IPCEF1: variants seen among roughly 807,000 people sequenced by gnomAD.
IPCEF1 encodes the protein interaction protein for cytohesin exchange factors 1, also known as interactor protein for cytohesin exchange factors 1.
IPCEF1 carries 31 observed loss-of-function variants against 50.9 expected under a neutral mutation model. The observed-to-expected ratio is 0.61, with a 90% CI of 0.46 to 0.82. The LOEUF is 0.82. IPCEF1 is among the 40% of genes least tolerant of loss of function. The probability of loss-of-function intolerance (pLI) is 0.00; values close to 1 mark genes in which losing one functional copy is unlikely to be tolerated. For missense variants in IPCEF1, 458 were observed against 514.0 expected, an observed-to-expected ratio of 0.89 and a Z score of 1.05; for synonymous variants, 181 against 192.0, an observed-to-expected ratio of 0.94 and a Z score of 0.47.
chr6:154,273,511 C>T (rs1455755577), intron 2 of IPCEF1, among the ~76,000 whole-genome samples: 2 of 152,036 alleles, frequency 1.3e-5, no homozygotes, highest in African/African-American at 2.4e-5. Context: ...ATAATCCATT[C>T]GTTTTGCCAA....
At chr6:154,348,848 T>G (rs1784076777) in intron 1 of IPCEF1, among the ~76,000 whole-genome samples, 1 of 152,222 alleles carries the variant, frequency 6.6e-6, no homozygotes. Context: ...AAGAAATGGA[T>G]GAGATTATAT....
At chr6:154,223,377 C>A (rs1229332174) in intron 5 of IPCEF1, 134 bp from the exon 6 acceptor site, 1 of 708,226 alleles carries the variant, frequency 1.4e-6, no homozygotes, top group East Asian at 2.7e-5. Flanking sequence ...CACCCTGAAT[C>A]ACCATGGAGG....
intron 1 of IPCEF1, among the ~76,000 whole-genome samples, chr6:154,354,461 T>C (rs1165880284): frequency 2.1e-5 from 3 of 144,164 alleles, no homozygotes; most frequent in East Asian, 2.3e-4. Flanking sequence ...ACCTCCACCA[T>C]CTCCTCCACA....
At position 154,247,109 on chromosome 6, in the gene IPCEF1, G is replaced by A. The variant is rs749517853; in HGVS notation, c.76+340C>T. ...AAATAATTAAAATTGTAAGGCTGGCGGGCATATCAGTGCAGTAACATAGCT... is the reference window on the plus strand; with the variant it reads ...AAATAATTAAAATTGTAAGGCTGGCAGGCATATCAGTGCAGTAACATAGCT... On this transcript the variant is annotated intron_variant, in intron 4 of 11. Transcript: ENST00000367220. 9.4e-5 allele frequency: 37 copies of A among 394,864 alleles called. 1 individual carries two copies. In the East Asian group the frequency reaches 9.8e-4, roughly 10 times the overall value. 24.5% of individuals were successfully genotyped at this position (394,864 alleles called of 1,614,324 possible).
Position 154,286,880 on chromosome 6 carries a change from C to T in IPCEF1, c.-18+2833G>A, listed in dbSNP as rs755566844. On this transcript the variant is annotated intron_variant, in intron 2 of 11. Coordinates refer to ENST00000367220, the MANE Select transcript of IPCEF1 (RefSeq NM_001130700.2). Reference sequence around the variant, plus strand: ...ATCACCACGTGATATTGTTTGGCCCCGTGTCCCCACCCAAATCTCATGTTG... The same window carrying T: ...ATCACCACGTGATATTGTTTGGCCCTGTGTCCCCACCCAAATCTCATGTTG... 2.6e-4 allele frequency among the ~76,000 whole-genome samples: 40 copies of T among 152,332 alleles called. 1 individual carries two copies. The highest frequency in any genetic ancestry group is 1.2e-3 in the Admixed American group (18 of 15,306).
intron 1 of IPCEF1, among the ~76,000 whole-genome samples, chr6:154,317,461 A>G (rs1366832975): frequency 2.7e-5 from 4 of 147,588 alleles, no homozygotes; most frequent in African/African-American, 9.9e-5. Flanking sequence ...AGGCAGAAGA[A>G]TCATTTGAAC....
chr6:154,344,789 C>T (rs1783993795), intron 1 of IPCEF1, among the ~76,000 whole-genome samples: 1 of 152,148 alleles, frequency 6.6e-6, no homozygotes, highest in South Asian at 2.1e-4. Context: ...TTTTTCTCCA[C>T]CATTACAGGC....
chr6:154,313,002 A>AGGAAG lies in IPCEF1; in HGVS notation c.-61-23251_-61-23247dup, dbSNP rs1165505779. 2.8e-5 allele frequency among the ~76,000 whole-genome samples: 4 copies of AGGAAG among 143,106 alleles called. No individual in the cohort carries two copies. The Admixed American group carries it at 3.0e-4, about 11-fold the overall frequency. 93.9% of individuals were successfully genotyped at this position (143,106 alleles called of 152,430 possible). A position where few individuals can be genotyped will look rare whatever the true frequency, so the allele number is the denominator to read the frequency against. On this transcript the variant is annotated intron_variant, in intron 1 of 11. Coordinates refer to ENST00000367220, the MANE Select transcript of IPCEF1 (RefSeq NM_001130700.2). ...TAAGGTGGGAAGATCACTTGAGCCC[A>AGGAAG]GGAAGGGAAGGTTGCAGTGAGCCGA... is the stretch of plus-strand genomic sequence containing the variant.
intron 5 of IPCEF1, among the ~76,000 whole-genome samples, chr6:154,239,711 CT>C (rs10712453): frequency 0.37 from 56,382 of 151,218 alleles, 10,805 homozygotes; most frequent in Middle Eastern, 0.48. Flanking sequence ...ACTGAAGAAA[CT>C]TTTTTTTTTG....
At position 154,168,193 on chromosome 6, in the gene IPCEF1, A is replaced by G; in HGVS notation, c.911-80T>C. On this transcript the variant is annotated intron_variant, in intron 10 of 11. Transcript: ENST00000367220. The surrounding 1 kb of genome is among the most constrained non-coding windows in gnomAD (Gnocchi z 4.1). ...AGAGAACATTCAATACTGTGGTCCC[A>G]AGGCACGGCCCCACTGGCACCCTCA... 9.4e-7 allele frequency: 1 copy of G among 1,067,564 alleles called. No homozygotes were observed. Among genetic ancestry groups the G allele is most frequent in the Non-Finnish European group, 1.3e-6 (1 of 753,718 alleles). The allele number at this position is 1,067,564 out of a possible 1,614,324, so 66.1% of individuals were successfully genotyped here.
chr6:154,237,042 G>T (rs2128632191), intron 5 of IPCEF1, among the ~76,000 whole-genome samples: 1 of 152,224 alleles, frequency 6.6e-6, no homozygotes, highest in Non-Finnish European at 1.5e-5. Flanking sequence ...ATGCTCTATG[G>T]AAGATTAAAC....
chr6:154,215,010 G>T (rs894994903), intron 7 of IPCEF1, among the ~76,000 whole-genome samples: 1 of 152,204 alleles, frequency 6.6e-6, no homozygotes, highest in Non-Finnish European at 1.5e-5. Context: ...CACAAAGTGT[G>T]TCTATGACAT....
chr6:154,225,170 A>T (rs190126297), intron 5 of IPCEF1, among the ~76,000 whole-genome samples: 3 of 152,084 alleles, frequency 2.0e-5, no homozygotes, highest in African/African-American at 7.2e-5. Flanking sequence ...CCAACACCCA[A>T]TGAATACTCC....
chr6:154,288,354 G>T (rs1419879361), intron 2 of IPCEF1, among the ~76,000 whole-genome samples: 1 of 152,202 alleles, frequency 6.6e-6, no homozygotes, highest in Non-Finnish European at 1.5e-5. Context: ...GTCACAGAAA[G>T]ATGTGTCCTT....
At chr6:154,251,055 T>C (rs1487876338) in intron 3 of IPCEF1, among the ~76,000 whole-genome samples, 1 of 152,008 alleles carries the variant, frequency 6.6e-6, no homozygotes, top group Non-Finnish European at 1.5e-5. Flanking sequence ...CCCAGAAAAA[T>C]AGACTCAACT....
At chr6:154,174,917 T>G (rs984348471) in intron 10 of IPCEF1, among the ~76,000 whole-genome samples, 1 of 152,110 alleles carries the variant, frequency 6.6e-6, no homozygotes, top group South Asian at 2.1e-4. Context: ...ACCAAATAAT[T>G]GGAAGTAAAA....
Position 154,159,696 on chromosome 6 carries a change from C to G in IPCEF1, c.*132G>C. 3 of 687,106 alleles carry G rather than the reference C, an allele frequency of 4.4e-6. No individual in the cohort carries two copies. The highest frequency in any genetic ancestry group is 7.6e-6 in the Non-Finnish European group (3 of 395,570). 42.6% of individuals were successfully genotyped at this position (687,106 alleles called of 1,614,324 possible). A position where few individuals can be genotyped will look rare whatever the true frequency, so the allele number is the denominator to read the frequency against. ...TCGGTGATTATCTTCATCTAACGTG[C>G]ATCTTTAGATGGGAAGCTGATGCTT... On this transcript the variant is annotated 3_prime_UTR_variant, in exon 12 of 12. Coordinates refer to ENST00000367220, the MANE Select transcript of IPCEF1 (RefSeq NM_001130700.2).
At chr6:154,186,153 C>T (rs1475389420) in intron 10 of IPCEF1, among the ~76,000 whole-genome samples, 1 of 152,234 alleles carries the variant, frequency 6.6e-6, no homozygotes, top group Non-Finnish European at 1.5e-5. Flanking sequence ...AAGCCCTCTG[C>T]TGAAGTCCAG....
chr6:154,275,946 G>A (rs898302328), intron 2 of IPCEF1, among the ~76,000 whole-genome samples: 38 of 152,094 alleles, frequency 2.5e-4, no homozygotes, highest in Admixed American at 6.5e-4. Context: ...TTGGGAGGCC[G>A]AGGCGGGTGG....
Sources: gnomAD v4.1 joint callset for allele counts (sites outside exome capture counted in the v4.1 genomes callset) on GRCh38, gnomAD v4.1.1 for gene constraint, Gnocchi (gnomAD v3.1) non-coding constraint, MANE v1.5 for transcripts, NCBI Gene and HGNC (gene_info 2026-07-23, HGNC 2026-07-21) for gene names.